TDO2: variants seen among roughly 807,000 people sequenced by gnomAD.
TDO2 encodes tryptophan 2,3-dioxygenase, also known as tryptamin 2,3-dioxygenase.
Under a neutral mutation model 61.2 loss-of-function variants are expected in TDO2, and 63 were observed. The observed-to-expected ratio is 1.03, with a 90% confidence interval of 0.84 to 1.27. The LOEUF is 1.27. Among genes scored for constraint, TDO2 ranks in the 50% most tolerant of loss-of-function variants. The probability of loss-of-function intolerance (pLI) is 0.00; values close to 1 mark genes in which losing one functional copy is unlikely to be tolerated. For synonymous variants in TDO2, 183 were observed against 164.0 expected, an observed-to-expected ratio of 1.12 and a Z score of -0.89; for missense variants, 494 against 469.5, an observed-to-expected ratio of 1.05 and a Z score of -0.48.
At chr4:155,907,572 T>A in intron 3 of TDO2, 150 bp from the exon 4 acceptor site, 3 of 576,680 alleles carry the variant, frequency 5.2e-6, no homozygotes, top group Non-Finnish European at 6.2e-6. Flanking sequence ...CTAACATTTA[T>A]TTCTGGCACA....
rs1742666799 is a variant in TDO2, at chr4:155,903,743, A to G, written c.-16A>G. 6.2e-7 allele frequency: 1 copy of G among 1,614,192 alleles called. No homozygotes were observed. The highest frequency in any genetic ancestry group is 8.5e-7 in the Non-Finnish European group (1 of 1,180,014). On this transcript the variant is annotated 5_prime_UTR_variant, in exon 1 of 12. Coordinates refer to ENST00000536354, the MANE Select transcript of TDO2 (RefSeq NM_005651.4). ...AGAGTCAAACCTCCGTGCTTCTCAG[A>G]CAGTGCCTTTTCACCATGAGTGGGT... is the stretch of plus-strand genomic sequence containing the variant.
chr4:155,910,213 T>C lies in TDO2; in HGVS notation c.618+2T>C, dbSNP rs765510525. The stretch of plus-strand genomic sequence containing the variant: ...AAGACACTTCTGGAATTAGTGGAGG[T>C]ATGGATTCATACAATTTATAAAGTT... On this transcript the variant is annotated splice_donor_variant, in intron 6 of 11. Coordinates refer to ENST00000536354, the MANE Select transcript of TDO2 (RefSeq NM_005651.4). LOFTEE classifies it high-confidence loss of function. The C allele has an allele frequency of 3.9e-6, 6 of 1,558,354 alleles. No homozygotes were observed. The highest frequency in any genetic ancestry group is 3.4e-6 in the Non-Finnish European group (4 of 1,160,446).
chr4:155,906,948 G>C (rs1412771602), intron 3 of TDO2: 1 of 152,156 alleles, frequency 6.6e-6, no homozygotes. Context: ...TGTCATTACT[G>C]TATCACTTTT....
Position 155,920,058 on chromosome 4 carries a change from T to A in TDO2, c.*68T>A. ...ATTTTTTATTTTCTATGGATTTTCA[T>A]AAATACAGTTTGAATATATGTATGC... On this transcript the variant is annotated 3_prime_UTR_variant, in exon 12 of 12. Coordinates refer to ENST00000536354, the MANE Select transcript of TDO2 (RefSeq NM_005651.4). 1 of 1,481,282 alleles carries A rather than the reference T, an allele frequency of 6.8e-7. No individual in the cohort carries two copies. Among genetic ancestry groups the A allele is most frequent in the Non-Finnish European group, 9.3e-7 (1 of 1,069,916 alleles). 91.8% of individuals were successfully genotyped at this position (1,481,282 alleles called of 1,614,324 possible).
At chr4:155,910,534 ATTAT>A (rs571083099) in intron 6 of TDO2, among the ~76,000 whole-genome samples, 2 of 152,212 alleles carry the variant, frequency 1.3e-5, no homozygotes, top group East Asian at 3.9e-4. Flanking sequence ...ACTGAGTGTG[ATTAT>A]TTAGTGAGCT....
At position 155,908,917 on chromosome 4, in the gene TDO2, G is replaced by T; in HGVS notation, c.334G>T (p.Val112Phe). 1 of 1,612,558 alleles carries T rather than the reference G, an allele frequency of 6.2e-7. No homozygotes were observed. Among genetic ancestry groups the T allele is most frequent in the Non-Finnish European group, 8.5e-7 (1 of 1,179,410 alleles). Residue 112 changes from valine (V) to phenylalanine (F), a missense_variant, in exon 5 of 12, where the codon GTT becomes TTT. Physicochemically the swap from Val to Phe is conservative, Grantham distance 50 (BLOSUM62 -1). Transcript: ENST00000536354. ...VRDERNMLKV[V>F]SRMHRVSVIL... ...AGATGAAAGGAACATGCTTAAGGTTGTTTCTCGGATGCACCGAGTGTCAGT... is the reference window on the plus strand; with the variant it reads ...AGATGAAAGGAACATGCTTAAGGTTTTTTCTCGGATGCACCGAGTGTCAGT...
chr4:155,915,415 T>G (rs1201700128), intron 8 of TDO2, among the ~76,000 whole-genome samples: 5 of 152,182 alleles, frequency 3.3e-5, no homozygotes, highest in Non-Finnish European at 7.4e-5. Context: ...AGCACACATG[T>G]ATGATTTTAC....
At position 155,911,618 on chromosome 4, in the gene TDO2, A is replaced by C. The variant is rs1742832835; in HGVS notation, c.726+14A>C. 8 of 1,461,518 alleles carry C rather than the reference A, an allele frequency of 5.5e-6. No homozygotes were observed. The South Asian group carries it at 9.7e-5, about 18-fold the overall frequency. The allele number at this position is 1,461,518 out of a possible 1,614,324, so 90.5% of individuals were successfully genotyped here. A position where few individuals can be genotyped will look rare whatever the true frequency, so the allele number is the denominator to read the frequency against. On this transcript the variant is annotated intron_variant, in intron 7 of 11. Transcript: ENST00000536354. ...ATAAGGATTCAGGTATTTAGATGAC[A>C]TGAGTTAATATAAATTCAATACAGA...
intron 11 of TDO2, 56 bp from the exon 12 acceptor site, chr4:155,919,781 A>T (rs1265159689): frequency 1.4e-6 from 2 of 1,476,222 alleles, no homozygotes; most frequent in Admixed American, 2.4e-5. Flanking sequence ...TCTAATTGAA[A>T]AATTTAAATA....
chr4:155,915,579 T>G (rs542598248), intron 8 of TDO2, among the ~76,000 whole-genome samples: 2 of 152,320 alleles, frequency 1.3e-5, no homozygotes, highest in South Asian at 4.1e-4. Flanking sequence ...AGTCAAGTGT[T>G]TTCTAGAAAA....
At chr4:155,914,745 T>C (rs1311180930) in intron 8 of TDO2, among the ~76,000 whole-genome samples, 1 of 152,092 alleles carries the variant, frequency 6.6e-6, no homozygotes, top group Non-Finnish European at 1.5e-5. Flanking sequence ...AGACAAATCA[T>C]TGTAACAGTA....
At chr4:155,916,449 T>TGAG in intron 9 of TDO2, among the ~76,000 whole-genome samples, 2 of 85,774 alleles carry the variant, frequency 2.3e-5, no homozygotes, top group Admixed American at 2.7e-4. Flanking sequence ...ATTACAAGCG[T>TGAG]CTAAAAAGCA....
intron 8 of TDO2, among the ~76,000 whole-genome samples, chr4:155,915,164 T>A (rs1742908171): frequency 6.6e-6 from 1 of 152,314 alleles, no homozygotes; most frequent in East Asian, 1.9e-4. Context: ...ATTTCTAAAC[T>A]TTTGCGTTCA....
At chr4:155,914,464 C>T in intron 8 of TDO2, 30 bp downstream of exon 8, 1 of 1,468,450 alleles carries the variant, frequency 6.8e-7, no homozygotes. Flanking sequence ...GAATCTTTTC[C>T]CTGGAATGTG....
rs776146754 is a variant in TDO2 at position 155,905,011 on chromosome 4, G to A, written c.142-56G>A. 3.6e-4 allele frequency: 446 copies of A among 1,253,428 alleles called. 2 individuals are homozygous for A. Among genetic ancestry groups the A allele is most frequent in the South Asian group, 1.3e-3 (90 of 69,744 alleles). 77.6% of individuals were successfully genotyped at this position (1,253,428 alleles called of 1,614,324 possible). A position where few individuals can be genotyped will look rare whatever the true frequency, so the allele number is the denominator to read the frequency against. Reference sequence around the variant, plus strand: ...TTATCATATTCTACTTCTTACTAAAGTTCATAAAAACCAAGTTCTGCAATT... The same window carrying A: ...TTATCATATTCTACTTCTTACTAAAATTCATAAAAACCAAGTTCTGCAATT... On this transcript the variant is annotated intron_variant, in intron 2 of 11. Coordinates refer to ENST00000536354, the MANE Select transcript of TDO2 (RefSeq NM_005651.4).
In TDO2 at chr4:155,904,274, G is replaced by C. The variant is rs376815067; in HGVS notation, c.141+151G>C. Reference sequence around the variant, plus strand: ...TATTTTTATTCATAAACACTTTTACGTTTTCAACTTTTGTTAGAATAATTC... The same window carrying C: ...TATTTTTATTCATAAACACTTTTACCTTTTCAACTTTTGTTAGAATAATTC... On this transcript the variant is annotated intron_variant, in intron 2 of 11. Transcript: ENST00000536354. 1.1e-5 allele frequency: 7 copies of C among 622,014 alleles called. 1 individual carries two copies. Among genetic ancestry groups the C allele is most frequent in the African/African-American group, 5.6e-5 (3 of 53,706 alleles). The allele number at this position is 622,014 out of a possible 1,614,324, so 38.5% of individuals were successfully genotyped here.
chr4:155,915,293 TTAAG>T (rs1445305535), intron 8 of TDO2, among the ~76,000 whole-genome samples: 3 of 152,196 alleles, frequency 2.0e-5, no homozygotes, highest in African/African-American at 7.2e-5. Context: ...GAAATTGGTA[TTAAG>T]TTTTATAAGC....
chr4:155,904,128 G>A lies in TDO2; in HGVS notation c.141+5G>A. On this transcript the variant is annotated splice_donor_5th_base_variant and intron_variant, in intron 2 of 11. Coordinates refer to ENST00000536354, the MANE Select transcript of TDO2 (RefSeq NM_005651.4). ...ATCTATGGGAACTACCTGCATGTAA[G>A]TGGCAGGGTCCTTACAGGGTTTGGT... 1.9e-6 allele frequency: 3 copies of A among 1,606,460 alleles called. No homozygotes were observed. Among genetic ancestry groups the A allele is most frequent in the Non-Finnish European group, 2.6e-6 (3 of 1,173,478 alleles).
At position 155,919,846 on chromosome 4, in the gene TDO2, C is replaced by T; in HGVS notation, c.1077C>T (p.Tyr359=). ...HYLRSTVSDR[Y]KVFVDLFNLS... is the part of the protein sequence containing the mutation. ...ATGTATGTTTTTCCAGTGATAGGTA[C>T]AAGGTATTTGTAGATTTATTTAATC... Residue 359 remains tyrosine, a synonymous_variant, in exon 12 of 12, where the codon TAC becomes TAT. Coordinates refer to ENST00000536354, the MANE Select transcript of TDO2 (RefSeq NM_005651.4). 1 of 1,612,784 alleles carries T rather than the reference C, an allele frequency of 6.2e-7. No individual in the cohort carries two copies. Among genetic ancestry groups the T allele is most frequent in the Non-Finnish European group, 8.5e-7 (1 of 1,179,402 alleles).
Sources: allele counts gnomAD v4.1 joint callset (sites outside exome capture counted in the v4.1 genomes callset), GRCh38; gene constraint gnomAD v4.1.1; transcripts MANE v1.5; gene names NCBI Gene and HGNC (gene_info 2026-07-23, HGNC 2026-07-21).